CDCP1: variants seen among roughly 807,000 people sequenced by gnomAD.
CDCP1 encodes CUB domain containing protein 1, also known as CUB domain-containing protein 1.
A neutral mutation model predicts 60.2 loss-of-function variants in CDCP1; 29 were observed. The observed-to-expected ratio is 0.48, with a 90% CI of 0.36 to 0.66. CDCP1 has a LOEUF of 0.66. Ranked by LOEUF, CDCP1 falls within the 30% of genes least tolerant of loss-of-function variation. The pLI, the probability that CDCP1 is intolerant of heterozygous loss-of-function variation, is 0.00. For synonymous variants in CDCP1, 387 were observed against 431.1 expected (o/e 0.90, Z 1.27); for missense variants, 876 against 1,074.3 (o/e 0.82, Z 2.58).
intron 4 of CDCP1, among the ~76,000 whole-genome samples, chr3:45,101,328 G>C (rs887976027): frequency 1.3e-5 from 2 of 152,214 alleles, no homozygotes; most frequent in Non-Finnish European, 2.9e-5. Context: ...CTAAGGCTAG[G>C]AAGTGGTAAG....
intron 1 of CDCP1, among the ~76,000 whole-genome samples, chr3:45,126,184 C>CTT (rs1698994834): frequency 1.7e-5 from 1 of 58,856 alleles, no homozygotes; most frequent in African/African-American, 6.5e-5. Flanking sequence ...CCTTCTTTCT[C>CTT]TCTCTCTCTC....
rs149025710 is a variant in CDCP1 at position 45,092,384 on chromosome 3, G to A, written c.1628-846C>T. 8.5e-4 allele frequency among the ~76,000 whole-genome samples: 130 copies of A among 152,272 alleles called. 2 individuals carry two copies. The highest frequency in any genetic ancestry group is 2.9e-3 in the African/African-American group (122 of 41,562). ...ATCTTCAGGTTCTGGGAAGAGTTCCGGAACTGCAAAGCTGAAAGAGCTCCT... is the reference window on the plus strand; with the variant it reads ...ATCTTCAGGTTCTGGGAAGAGTTCCAGAACTGCAAAGCTGAAAGAGCTCCT... On this transcript the variant is annotated intron_variant, in intron 6 of 8. Coordinates refer to ENST00000296129, the MANE Select transcript of CDCP1 (RefSeq NM_022842.5).
At chr3:45,107,213 CTT>C (rs546623663) in intron 4 of CDCP1, among the ~76,000 whole-genome samples, 1 of 147,408 alleles carries the variant, frequency 6.8e-6, no homozygotes, top group African/African-American at 2.5e-5. Context: ...TCCTTTCTTT[CTT>C]TTTTTTTTTG....
intron 8 of CDCP1, among the ~76,000 whole-genome samples, chr3:45,086,450 A>T (rs1034025659): frequency 1.3e-5 from 2 of 152,214 alleles, no homozygotes; most frequent in African/African-American, 4.8e-5. Flanking sequence ...CAACCACATC[A>T]GGCTCAGTCA....
intron 1 of CDCP1, among the ~76,000 whole-genome samples, chr3:45,135,164 A>G (rs892177657): frequency 2.0e-5 from 3 of 150,534 alleles, no homozygotes; most frequent in African/African-American, 7.4e-5. Flanking sequence ...GACAGTGTCA[A>G]TGTTGGGACC....
chr3:45,116,474 C>G (rs1012801380), intron 2 of CDCP1, among the ~76,000 whole-genome samples: 1 of 151,774 alleles, frequency 6.6e-6, no homozygotes, highest in Admixed American at 6.6e-5. Flanking sequence ...TTTTTCCTCT[C>G]TAACCTAATA....
chr3:45,113,185 C>T (rs2125998193), intron 2 of CDCP1, among the ~76,000 whole-genome samples: 1 of 152,342 alleles, frequency 6.6e-6, no homozygotes, highest in South Asian at 2.1e-4. Flanking sequence ...TCAACACATT[C>T]ATCAACATAG....
At chr3:45,087,584 T>A (rs2125988549) in intron 8 of CDCP1, among the ~76,000 whole-genome samples, 1 of 152,322 alleles carries the variant, frequency 6.6e-6, no homozygotes, top group Non-Finnish European at 1.5e-5. Flanking sequence ...TTTTCCCCCA[T>A]GTGTTATAGG....
In CDCP1 at chr3:45,134,884, A is replaced by G. The variant is rs149917493; in HGVS notation, c.82+11322T>C. ...GGATGTCCATTACAGACAGCTCTCC[A>G]AAATAACCTACATCAGAAGTTGGTT... On this transcript the variant is annotated intron_variant, in intron 1 of 8. Transcript: ENST00000296129. Among the ~76,000 whole-genome samples the G allele has an allele frequency of 5.3e-5, 8 of 152,362 alleles. No individual in the cohort carries two copies. In the East Asian group the frequency reaches 1.5e-3, roughly 29 times the overall value.
At chr3:45,141,804 T>A (rs1699295049) in intron 1 of CDCP1, among the ~76,000 whole-genome samples, 1 of 152,090 alleles carries the variant, frequency 6.6e-6, no homozygotes, top group Non-Finnish European at 1.5e-5. Context: ...ATAATTTTTA[T>A]AATTTAGAAT....
chr3:45,126,291 G>A (rs1698999855), intron 1 of CDCP1, among the ~76,000 whole-genome samples: 1 of 147,298 alleles, frequency 6.8e-6, no homozygotes, highest in Non-Finnish European at 1.5e-5. Flanking sequence ...TGTCTACCCT[G>A]GAGGTGACAG....
At chr3:45,111,699 A>G (rs1698696317) in intron 3 of CDCP1, among the ~76,000 whole-genome samples, 1 of 152,192 alleles carries the variant, frequency 6.6e-6, no homozygotes, top group Non-Finnish European at 1.5e-5. Context: ...CAAAAATAAA[A>G]ACAAAAAACA....
At position 45,146,343 on chromosome 3, in the gene CDCP1, C is replaced by T. The variant is rs1244353946; in HGVS notation, c.-56G>A. The T allele has an allele frequency of 1.4e-6, 2 of 1,471,150 alleles. No individual in the cohort carries two copies. Among genetic ancestry groups the T allele is most frequent in the Non-Finnish European group, 1.8e-6 (2 of 1,100,564 alleles). 91.1% of individuals were successfully genotyped at this position (1,471,150 alleles called of 1,614,324 possible). On this transcript the variant is annotated 5_prime_UTR_variant, in exon 1 of 9. Transcript: ENST00000296129. ...AAACGACGGTGGGGAGCGGCGGCCC[C>T]AGGCGCCCAAGCCCGGCGCAGCTGC...
At chr3:45,121,317 G>A (rs1698879645) in intron 1 of CDCP1, among the ~76,000 whole-genome samples, 1 of 152,202 alleles carries the variant, frequency 6.6e-6, no homozygotes, top group South Asian at 2.1e-4. Context: ...TCCTCAAGAT[G>A]TCAGATTAAA....
intron 1 of CDCP1, among the ~76,000 whole-genome samples, chr3:45,137,089 T>C (rs1699202562): frequency 6.6e-6 from 1 of 152,224 alleles, no homozygotes; most frequent in Admixed American, 6.5e-5. Flanking sequence ...ATGTAAAAAG[T>C]CGTTCTCCTA....
intron 5 of CDCP1, among the ~76,000 whole-genome samples, chr3:45,094,197 T>G (rs1214044245): frequency 3.3e-5 from 5 of 151,218 alleles, no homozygotes; most frequent in African/African-American, 9.7e-5. Flanking sequence ...AGCAAGGAGG[T>G]GGCTGTTGGT....
chr3:45,118,500 C>A lies in CDCP1; in HGVS notation c.204G>T (p.Leu68Phe), dbSNP rs1698829831. ...IVISKRHITM[L>F]SIKSGERIVF... ...CTATTCTTTCTCCAGACTTGATGGA[C>A]AACATGGTTATATGTCTTTTAGAAA... The change falls in exon 2 of 9, where the codon TTG (leucine) becomes TTT (phenylalanine). Residue 68 changes from leucine (L) to phenylalanine (F), a missense_variant. By Grantham distance (22) the Leu-to-Phe change is conservative. Coordinates refer to ENST00000296129, the MANE Select transcript of CDCP1 (RefSeq NM_022842.5). 3.7e-6 allele frequency: 6 copies of A among 1,614,020 alleles called. No individual in the cohort carries two copies. Among genetic ancestry groups the A allele is most frequent in the Admixed American group, 1.7e-5 (1 of 59,996 alleles).
chr3:45,109,161 C>T (rs891513502), intron 4 of CDCP1, among the ~76,000 whole-genome samples: 4 of 151,662 alleles, frequency 2.6e-5, no homozygotes, highest in African/African-American at 9.7e-5. Flanking sequence ...GTAGGCCAGG[C>T]TGGTCTCGAA....
chr3:45,109,931 AGCTGT>A (rs539295837), intron 4 of CDCP1, among the ~76,000 whole-genome samples: 2 of 152,178 alleles, frequency 1.3e-5, no homozygotes, highest in Non-Finnish European at 2.9e-5. Context: ...GCTCTTAACA[AGCTGT>A]GTGATGTCAG....
Sources: allele counts gnomAD v4.1 joint callset (sites outside exome capture counted in the v4.1 genomes callset), GRCh38; gene constraint gnomAD v4.1.1; transcripts MANE v1.5; gene names NCBI Gene and HGNC (gene_info 2026-07-23, HGNC 2026-07-21).